CCNJL: variants seen among roughly 807,000 people sequenced by gnomAD.
CCNJL encodes cyclin J like.
CCNJL carries 33 observed loss-of-function variants against 33.4 expected under a neutral mutation model. That is an observed-to-expected ratio of 0.99 (90% CI 0.75 to 1.32). CCNJL has a LOEUF of 1.32. CCNJL is among the 40% of genes most tolerant of loss of function. The pLI is 0.00. For synonymous variants in CCNJL, 227 were observed against 220.9 expected (o/e 1.03, Z -0.24); for missense variants, 512 against 499.7 (o/e 1.02, Z -0.23).
At chr5:160,282,650 A>G (rs1176063460) in intron 2 of CCNJL, among the ~76,000 whole-genome samples, 1 of 152,090 alleles carries the variant, frequency 6.6e-6, no homozygotes, top group Non-Finnish European at 1.5e-5. Flanking sequence ...CAATGAACTG[A>G]CCAGACAGTT....
rs70990723 is a variant in CCNJL at position 160,320,788 on chromosome 5, CCTTTCTTTCTTTCTTTCTTTCTTTCTTT to C, written n.207-5311_207-5284del. ...TTTTCTTTCTTTCTTTTCTTTCTTT[CCTTTCTTTCTTTCTTTCTTTCTTTCTTT>C]CTTTCTTTCTTTCTTTCTTTCTTTC... On this transcript the variant is annotated intron_variant and non_coding_transcript_variant, in intron 1 of 7. Coordinates refer to the CCNJL transcript ENST00000377503. 7.9e-4 allele frequency among the ~76,000 whole-genome samples: 92 copies of C among 116,318 alleles called. 3 individuals are homozygous for C. The highest frequency in any genetic ancestry group is 1.3e-3 in the Non-Finnish European group (75 of 57,216). 76.3% of individuals were successfully genotyped at this position (116,318 alleles called of 152,430 possible). A position where few individuals can be genotyped will look rare whatever the true frequency, so the allele number is the denominator to read the frequency against.
At chr5:160,308,681 C>T (rs966801511) in intron 2 of CCNJL, among the ~76,000 whole-genome samples, 1 of 152,210 alleles carries the variant, frequency 6.6e-6, no homozygotes, top group Admixed American at 6.5e-5. Flanking sequence ...TGGTGTGAAC[C>T]CGGGAGGCGG....
intron 2 of CCNJL, among the ~76,000 whole-genome samples, chr5:160,282,970 T>TATATATATATATAC (rs1762266543): frequency 4.9e-5 from 2 of 41,114 alleles, no homozygotes; most frequent in Non-Finnish European, 8.2e-5. Context: ...CCTTGGAATA[T>TATATATATATATAC]ATATATATAT....
intron 2 of CCNJL, among the ~76,000 whole-genome samples, chr5:160,288,653 G>A (rs1273486281): frequency 6.6e-6 from 1 of 151,768 alleles, no homozygotes; most frequent in Admixed American, 6.6e-5. Context: ...GGCGGATCAC[G>A]AGGTCAGGAG....
At chr5:160,309,927 C>T (rs111610678) in intron 2 of CCNJL, among the ~76,000 whole-genome samples, 10 of 152,278 alleles carry the variant, frequency 6.6e-5, no homozygotes, top group African/African-American at 1.4e-4. Flanking sequence ...TAAACTCATA[C>T]GGCACTATGA....
At chr5:160,264,508 T>C (rs1216500992) in intron 3 of CCNJL, among the ~76,000 whole-genome samples, 1 of 151,366 alleles carries the variant, frequency 6.6e-6, no homozygotes, top group Admixed American at 6.6e-5. Flanking sequence ...GAGGCCGTGG[T>C]GGCAAGATGC....
intron 3 of CCNJL, among the ~76,000 whole-genome samples, chr5:160,279,232 G>A (rs935106885): frequency 2.0e-5 from 3 of 152,322 alleles, no homozygotes; most frequent in African/African-American, 7.2e-5. Flanking sequence ...GAGGGGCAGG[G>A]AGGGGAAATG....
intron 2 of CCNJL, among the ~76,000 whole-genome samples, chr5:160,291,475 G>A (rs1196217006): frequency 6.6e-6 from 1 of 152,184 alleles, no homozygotes; most frequent in Non-Finnish European, 1.5e-5. Context: ...ACTCTAGGCT[G>A]AATTTATCCA....
rs976399060 is a variant in CCNJL at position 160,290,018 on chromosome 5, G to A, written c.67-9280C>T. On this transcript the variant is annotated intron_variant, in intron 2 of 5. Transcript: ENST00000257536. ...AGGGGGAGGAAAAAATTCAGCATGT[G>A]CTCTTCACACACAGGCTTTGAAAGC... Among the ~76,000 whole-genome samples, 6 of 152,310 alleles carry A rather than the reference G, an allele frequency of 3.9e-5. No individual in the cohort carries two copies. In the South Asian group the frequency reaches 6.2e-4, roughly 16 times the overall value.
chr5:160,298,207 T>C (rs921816284), intron 2 of CCNJL, among the ~76,000 whole-genome samples: 10 of 152,114 alleles, frequency 6.6e-5, no homozygotes, highest in African/African-American at 2.4e-4. Flanking sequence ...CACAAGACTA[T>C]GTTGAGGCCG....
intron 3 of CCNJL, among the ~76,000 whole-genome samples, chr5:160,263,242 CG>C (rs776466390): frequency 1.2e-3 from 187 of 152,286 alleles, no homozygotes; most frequent in Non-Finnish European, 1.8e-3. Context: ...CTTCAGCATC[CG>C]TTCCTGAGGT....
At chr5:160,328,536 C>T (rs1406414254) in intron 1 of CCNJL, among the ~76,000 whole-genome samples, 1 of 151,318 alleles carries the variant, frequency 6.6e-6, no homozygotes, top group Non-Finnish European at 1.5e-5. Context: ...GCAGTAAGAT[C>T]GTTTGAGCTC....
chr5:160,293,495 A>G (rs1762651664), intron 2 of CCNJL, among the ~76,000 whole-genome samples: 2 of 152,324 alleles, frequency 1.3e-5, no homozygotes, highest in South Asian at 2.1e-4. Flanking sequence ...AATACAGAGG[A>G]GCACAAAGAG....
intron 1 of CCNJL, among the ~76,000 whole-genome samples, chr5:160,329,897 C>T (rs1009274369): frequency 6.6e-6 from 1 of 152,162 alleles, no homozygotes; most frequent in Admixed American, 6.5e-5. Flanking sequence ...GACACCCGTC[C>T]GCTGTCCTCC....
intron 4 of CCNJL, 87 bp from the exon 5 acceptor site, chr5:160,255,795 C>T (rs766103565): frequency 3.1e-5 from 37 of 1,196,312 alleles, no homozygotes; most frequent in African/African-American, 7.6e-5. Context: ...ACAAATGAAT[C>T]GCTTTCAAGG....
At chr5:160,263,571 C>T (rs538994123) in intron 3 of CCNJL, among the ~76,000 whole-genome samples, 1 of 152,318 alleles carries the variant, frequency 6.6e-6, no homozygotes, top group South Asian at 2.1e-4. Flanking sequence ...TCAAACAGTA[C>T]AGGCAAGCAA....
chr5:160,312,049 C>A, intron 1 of CCNJL, 77 bp from the exon 2 acceptor site: 1 of 937,734 alleles, frequency 1.1e-6, no homozygotes, highest in Non-Finnish European at 1.6e-6. Context: ...CCTCTCTCGC[C>A]CCTGGCCCCG....
chr5:160,287,255 CA>C (rs1326748172), intron 2 of CCNJL, among the ~76,000 whole-genome samples: 2 of 152,182 alleles, frequency 1.3e-5, no homozygotes, highest in Non-Finnish European at 2.9e-5. Context: ...GCTGGGGAAT[CA>C]AGTCTCAGAG....
At chr5:160,293,706 AC>A (rs1388720262) in intron 2 of CCNJL, among the ~76,000 whole-genome samples, 1 of 152,170 alleles carries the variant, frequency 6.6e-6, no homozygotes, top group East Asian at 1.9e-4. Context: ...CCGAGGTGGA[AC>A]CAGCACTAGC....
Sources: allele counts gnomAD v4.1 joint callset (sites outside exome capture counted in the v4.1 genomes callset), GRCh38; gene constraint gnomAD v4.1.1; transcripts MANE v1.5; gene names NCBI Gene and HGNC (gene_info 2026-07-23, HGNC 2026-07-21).